The following SORT1 variants were observed in gnomAD, a reference collection of about 807,000 sequenced individuals.
SORT1 encodes the protein sortilin.
Under a neutral mutation model 101.7 loss-of-function variants are expected in SORT1, and 39 were observed. That is an observed-to-expected ratio of 0.38 (90% CI 0.30 to 0.50). The LOEUF (loss-of-function observed/expected upper bound fraction) is 0.50, where lower values mean the gene tolerates loss of function less well. Ranked by LOEUF, SORT1 falls within the 20% of genes least tolerant of loss-of-function variation. The probability of loss-of-function intolerance (pLI) is 0.90; values close to 1 mark genes in which losing one functional copy is unlikely to be tolerated. For synonymous variants in SORT1, 396 were observed against 393.7 expected, an observed-to-expected ratio of 1.01 and a Z score of -0.07; for missense variants, 878 against 1,040.4, an observed-to-expected ratio of 0.84 and a Z score of 2.15.
At chr1:109,394,494 A>C (rs1468439466) in intron 1 of SORT1, among the ~76,000 whole-genome samples, 16 of 152,372 alleles carry the variant, frequency 1.1e-4, no homozygotes, top group Admixed American at 9.8e-4. Flanking sequence ...TCATGGACAG[A>C]GAAGCCTGAG....
chr1:109,395,358 T>C (rs1004616802), intron 1 of SORT1, among the ~76,000 whole-genome samples: 8 of 151,770 alleles, frequency 5.3e-5, no homozygotes, highest in African/African-American at 1.9e-4. Context: ...ATAACTGGAA[T>C]TACAGGCGCA....
chr1:109,394,911 T>C (rs577525581), intron 1 of SORT1, among the ~76,000 whole-genome samples: 2 of 152,272 alleles, frequency 1.3e-5, no homozygotes, highest in Admixed American at 6.5e-5. Flanking sequence ...CAAAGTACAA[T>C]ATCTCTGATA....
chr1:109,336,087 A>T (rs11799882), intron 11 of SORT1, among the ~76,000 whole-genome samples, 153 bp downstream of exon 11: 3,441 of 152,312 alleles, frequency 0.023, 134 homozygotes, highest in African/African-American at 0.079. Context: ...TACTTCCGAA[A>T]TTCTAAGTTA....
At chr1:109,361,326 C>G (rs1245745324) in intron 3 of SORT1, among the ~76,000 whole-genome samples, 1 of 152,194 alleles carries the variant, frequency 6.6e-6, no homozygotes, top group African/African-American at 2.4e-5. Flanking sequence ...CACTTTATAA[C>G]AAGGATTGCT....
chr1:109,342,162 G>T lies in SORT1; in HGVS notation c.964-4C>A. 1 of 1,603,220 alleles carries T rather than the reference G, an allele frequency of 6.2e-7. No individual in the cohort carries two copies. The highest frequency in any genetic ancestry group is 1.1e-5 in the South Asian group (1 of 89,722). On this transcript the variant is annotated splice_region_variant and splice_polypyrimidine_tract_variant and intron_variant, in intron 8 of 19. Coordinates refer to ENST00000256637, the MANE Select transcript of SORT1 (RefSeq NM_002959.7). ...CGTGGATCCTTCTTGTTGTATCCTA[G>T]AACAGATGTCAATATTTATCTTTCT... is the stretch of plus-strand genomic sequence containing the variant.
At chr1:109,385,622 G>A (rs933137242) in intron 1 of SORT1, among the ~76,000 whole-genome samples, 6 of 152,138 alleles carry the variant, frequency 3.9e-5, no homozygotes, top group East Asian at 1.9e-4. Context: ...GGGTGTGGGC[G>A]CTAACCCCTT....
chr1:109,335,732 T>G (rs1648770777), intron 11 of SORT1, among the ~76,000 whole-genome samples: 2 of 152,230 alleles, frequency 1.3e-5, no homozygotes, highest in South Asian at 2.1e-4. Context: ...CCTGCGTAGT[T>G]CCGGTTCCCA....
chr1:109,316,906 C>T lies in SORT1; in HGVS notation c.2194G>A (p.Glu732Lys). Residue 732 changes from glutamate (E) to lysine (K), a missense_variant, in exon 17 of 20, where the codon GAA becomes AAA. Physicochemically the swap from Glu to Lys is moderately conservative, Grantham distance 56. Coordinates refer to ENST00000256637, the MANE Select transcript of SORT1 (RefSeq NM_002959.7). ...CATTTCTTTTTCAAGTCTTTTACTT[C>T]TCGAACTGGATTTACCCCACCCTGG... ...KCQGGVNPVREVKDLKKKCTS... is the reference protein window; with the variant it reads ...KCQGGVNPVRKVKDLKKKCTS... The T allele has an allele frequency of 6.2e-7, 1 of 1,611,916 alleles. No homozygotes were observed. Among genetic ancestry groups the T allele is most frequent in the Non-Finnish European group, 8.5e-7 (1 of 1,179,180 alleles).
intron 5 of SORT1, among the ~76,000 whole-genome samples, chr1:109,353,053 C>T (rs887573693): frequency 6.6e-6 from 1 of 152,110 alleles, no homozygotes; most frequent in African/African-American, 2.4e-5. Flanking sequence ...AGGCCGGACA[C>T]AGTGGCTCAC....
At chr1:109,336,773 C>A (rs557947264) in intron 10 of SORT1, among the ~76,000 whole-genome samples, 1 of 149,344 alleles carries the variant, frequency 6.7e-6, no homozygotes, top group African/African-American at 2.5e-5. Context: ...CATGCCATTG[C>A]ACTCTAGCCT....
rs35637507 is a variant in SORT1, at chr1:109,368,293, C to CAA, written c.367-814_367-813dup. Reference sequence around the variant, plus strand: ...TGGGTGACAGAGCAAGACTCTGTCTCAAAAAAAAAAAAAAAAAAAAAAATT... The same window carrying CAA: ...TGGGTGACAGAGCAAGACTCTGTCTCAAAAAAAAAAAAAAAAAAAAAAAAATT... On this transcript the variant is annotated intron_variant, in intron 2 of 19. Transcript: ENST00000256637. Among the ~76,000 whole-genome samples, 426 of 58,178 alleles carry CAA rather than the reference C, an allele frequency of 7.3e-3. 4 individuals are homozygous for CAA. Among genetic ancestry groups the CAA allele is most frequent in the Non-Finnish European group, 9.8e-3 (290 of 29,566 alleles). The allele number at this position is 58,178 out of a possible 152,430, so 38.2% of individuals were successfully genotyped here.
chr1:109,332,141 C>A (rs1157010052), intron 11 of SORT1, among the ~76,000 whole-genome samples: 1 of 151,588 alleles, frequency 6.6e-6, no homozygotes, highest in African/African-American at 2.4e-5. Context: ...AAATGTAATG[C>A]CTATTATTTT....
At chr1:109,385,999 G>A (rs1268550048) in intron 1 of SORT1, among the ~76,000 whole-genome samples, 1 of 152,140 alleles carries the variant, frequency 6.6e-6, no homozygotes, top group African/African-American at 2.4e-5. Context: ...ATAGGTGCTC[G>A]ACAAACAACT....
At chr1:109,390,765 GTGTGTA>G (rs1241703412) in intron 1 of SORT1, among the ~76,000 whole-genome samples, 128 of 141,048 alleles carry the variant, frequency 9.1e-4, no homozygotes, top group African/African-American at 3.6e-3. Context: ...GTGTGTGTGT[GTGTGTA>G]TGTGTGTGTG....
At chr1:109,340,674 T>C (rs754667961) in intron 10 of SORT1, 50 bp downstream of exon 10, 6 of 1,599,708 alleles carry the variant, frequency 3.8e-6, no homozygotes, top group Non-Finnish European at 5.1e-6. Flanking sequence ...CCTCAAATCC[T>C]ACCACATGCA....
At chr1:109,359,794 C>A (rs554843395) in intron 3 of SORT1, among the ~76,000 whole-genome samples, 35 of 152,192 alleles carry the variant, frequency 2.3e-4, no homozygotes, top group Admixed American at 1.6e-3. Context: ...GTTACCGCAT[C>A]TGGCCTAAAG....
intron 1 of SORT1, among the ~76,000 whole-genome samples, chr1:109,387,911 C>A (rs1386089038): frequency 6.6e-6 from 1 of 152,100 alleles, no homozygotes. Context: ...GATAGTGCCA[C>A]TGCACTCCAG....
intron 10 of SORT1, among the ~76,000 whole-genome samples, chr1:109,338,416 C>G (rs1648987017): frequency 6.6e-6 from 1 of 152,104 alleles, no homozygotes; most frequent in Non-Finnish European, 1.5e-5. Context: ...ATAAAAACAG[C>G]CCCTACCTCC....
chr1:109,388,413 A>C (rs899863401), intron 1 of SORT1, among the ~76,000 whole-genome samples: 5 of 148,966 alleles, frequency 3.4e-5, no homozygotes, highest in Admixed American at 3.3e-4. Flanking sequence ...TAATTAAAAA[A>C]ATTTTTTTAT....
Sources: gnomAD v4.1 joint callset for allele counts (sites outside exome capture counted in the v4.1 genomes callset) on GRCh38, gnomAD v4.1.1 for gene constraint, MANE v1.5 for transcripts, NCBI Gene and HGNC (gene_info 2026-07-23, HGNC 2026-07-21) for gene names.